Variants in RFX1 observed in about 807,000 individuals in gnomAD.
RFX1 encodes MHC class II regulatory factor RFX1.
A neutral mutation model predicts 119.6 loss-of-function variants in RFX1; 42 were observed. The observed-to-expected ratio is 0.35, with a 90% CI of 0.27 to 0.45. The LOEUF is 0.45. Ranked by LOEUF, RFX1 falls within the 20% of genes least tolerant of loss-of-function variation. RFX1 has a pLI of 1.00. For synonymous variants in RFX1, 628 were observed against 618.5 expected (o/e 1.02, Z -0.23); for missense variants, 1,118 against 1,368.1 (o/e 0.82, Z 2.88).
intron 7 of RFX1, among the ~76,000 whole-genome samples, chr19:13,978,834 C>T (rs1974339203): frequency 6.6e-6 from 1 of 152,140 alleles, no homozygotes; most frequent in Admixed American, 6.5e-5. Context: ...TGGCTCGGGC[C>T]GGGAGCCGGG....
In RFX1 at chr19:13,962,338, A is replaced by G; in HGVS notation, c.*357T>C. On this transcript the variant is annotated 3_prime_UTR_variant, in exon 21 of 21. Transcript: ENST00000254325. ...GAGCTGAATAAGTTAACAGTTTCGC[A>G]CGGGAGGGGGCCTGCCTGCCTGCCC... 3.3e-6 allele frequency: 1 copy of G among 301,492 alleles called. No homozygotes were observed. Among genetic ancestry groups the G allele is most frequent in the South Asian group, 4.6e-5 (1 of 21,652 alleles). 18.7% of individuals were successfully genotyped at this position (301,492 alleles called of 1,614,324 possible). A position where few individuals can be genotyped will look rare whatever the true frequency, so the allele number is the denominator to read the frequency against.
Position 13,966,326 on chromosome 19 carries a change from G to A in RFX1, c.1961+95C>T. On this transcript the variant is annotated intron_variant, in intron 14 of 20. Coordinates refer to ENST00000254325, the MANE Select transcript of RFX1 (RefSeq NM_002918.5). The surrounding 1 kb of genome is among the most constrained non-coding windows in gnomAD (Gnocchi z 6.3). Reference sequence around the variant, plus strand: ...ATATGTGTACCCCACAAACTGCAGGGGACAAGCAGGTGCCCCAACCCTGGC... The same window carrying A: ...ATATGTGTACCCCACAAACTGCAGGAGACAAGCAGGTGCCCCAACCCTGGC... 1 of 743,248 alleles carries A rather than the reference G, an allele frequency of 1.3e-6. No individual in the cohort carries two copies. Among genetic ancestry groups the A allele is most frequent in the Middle Eastern group, 3.4e-4 (1 of 2,946 alleles). The allele number at this position is 743,248 out of a possible 1,614,324, so 46.0% of individuals were successfully genotyped here.
intron 1 of RFX1, among the ~76,000 whole-genome samples, chr19:14,005,155 C>G (rs551662247): frequency 6.6e-6 from 1 of 152,314 alleles, no homozygotes. Context: ...AACAAACCCC[C>G]GCAACCTCAA....
rs540371454 is a variant in RFX1, at chr19:13,961,767, CATCT to C, written c.*924_*927del. On this transcript the variant is annotated 3_prime_UTR_variant, in exon 21 of 21. Transcript: ENST00000254325. ...TTTTTTTCCTTTTTCTTGCCATAAACATCTATCTCACAGGCTGAAAACACTGAGA... is the reference window on the plus strand; with the variant it reads ...TTTTTTTCCTTTTTCTTGCCATAAACATCTCACAGGCTGAAAACACTGAGA... The C allele has an allele frequency of 2.4e-3, 372 of 152,334 alleles. 1 individual carries two copies. Among genetic ancestry groups the C allele is most frequent in the African/African-American group, 8.7e-3 (360 of 41,512 alleles). The allele number at this position is 152,334 out of a possible 1,614,324, so 9.4% of individuals were successfully genotyped here.
chr19:13,968,510 T>A lies in RFX1; in HGVS notation c.1732+55A>T. 7.0e-7 allele frequency: 1 copy of A among 1,433,662 alleles called. No homozygotes were observed. The highest frequency in any genetic ancestry group is 9.8e-7 in the Non-Finnish European group (1 of 1,017,568). The allele number at this position is 1,433,662 out of a possible 1,614,324, so 88.8% of individuals were successfully genotyped here. A position where few individuals can be genotyped will look rare whatever the true frequency, so the allele number is the denominator to read the frequency against. On this transcript the variant is annotated intron_variant, in intron 12 of 20. Coordinates refer to ENST00000254325, the MANE Select transcript of RFX1 (RefSeq NM_002918.5). The surrounding 1 kb of genome is among the most constrained non-coding windows in gnomAD (Gnocchi z 5.5). Reference sequence around the variant, plus strand: ...TGCCGCCATCCAGCTTTGGGAACCGTCTGCACGGGGCAGGGAGGCGGTGGT... The same window carrying A: ...TGCCGCCATCCAGCTTTGGGAACCGACTGCACGGGGCAGGGAGGCGGTGGT...
In RFX1 at chr19:13,963,657, C is replaced by A. The variant is rs1362367226; in HGVS notation, c.2451G>T (p.Ser817=). ...CCAGCCAGGCCGCCCACTGCTCCAG[C>A]GAGTTCTGCTGCTGCAGCGTCACCT... The part of the protein sequence containing the change: ...DFKVTLQQQN[S]LEQWAAWLDG... The change falls in exon 18 of 21, where the codon TCG becomes TCT. Residue 817 remains serine, a synonymous_variant. Transcript: ENST00000254325. 3.1e-6 allele frequency: 5 copies of A among 1,602,838 alleles called. No individual in the cohort carries two copies. In the East Asian group the frequency reaches 6.7e-5, roughly 22 times the overall value.
chr19:14,000,370 C>T (rs1433120346), intron 1 of RFX1, among the ~76,000 whole-genome samples: 3 of 152,130 alleles, frequency 2.0e-5, no homozygotes, highest in Non-Finnish European at 4.4e-5. Context: ...GCTGTAATCC[C>T]AGCTACTCAG....
At chr19:14,003,554 G>A (rs562369997) in intron 1 of RFX1, among the ~76,000 whole-genome samples, 1 of 152,292 alleles carries the variant, frequency 6.6e-6, no homozygotes, top group South Asian at 2.1e-4. Flanking sequence ...AACAGCAGAG[G>A]CTAACATAAC....
intron 2 of RFX1, among the ~76,000 whole-genome samples, chr19:13,988,305 C>T (rs1418684596): frequency 6.6e-6 from 1 of 152,152 alleles, no homozygotes; most frequent in East Asian, 1.9e-4. Context: ...GGGACTTGGT[C>T]TTGACTTTGA....
intron 2 of RFX1, 118 bp from the exon 3 acceptor site, chr19:13,983,713 T>TGA: frequency 1.3e-6 from 1 of 792,984 alleles, no homozygotes; most frequent in Non-Finnish European, 2.0e-6. Context: ...GTCAGGCCCC[T>TGA]CCAAGAGTCC....
intron 20 of RFX1, 36 bp from the exon 21 acceptor site, chr19:13,962,900 G>T (rs773074406): frequency 1.9e-4 from 288 of 1,538,494 alleles, no homozygotes; most frequent in Non-Finnish European, 2.5e-4. Flanking sequence ...TCGGGGCGGG[G>T]TGGCAACGCC....
intron 7 of RFX1, among the ~76,000 whole-genome samples, chr19:13,978,840 C>G (rs1568468393): frequency 6.6e-6 from 1 of 152,128 alleles, no homozygotes; most frequent in Non-Finnish European, 1.5e-5. Flanking sequence ...GGGCCGGGAG[C>G]CGGGACAGTG....
At chr19:13,981,457 G>A (rs1467802109) in intron 5 of RFX1, among the ~76,000 whole-genome samples, 4 of 152,192 alleles carry the variant, frequency 2.6e-5, no homozygotes, top group African/African-American at 4.8e-5. Context: ...TTAGCAGGGC[G>A]TGGTGGCGCA....
At chr19:14,000,580 T>C (rs113146885) in intron 1 of RFX1, among the ~76,000 whole-genome samples, 11 of 152,180 alleles carry the variant, frequency 7.2e-5, no homozygotes, top group Non-Finnish European at 1.2e-4. Flanking sequence ...GAGGATCACT[T>C]GAGCCCAGGA....
chr19:13,970,266 C>A (rs1599480747), intron 9 of RFX1, 91 bp from the exon 10 acceptor site: 1 of 1,169,244 alleles, frequency 8.6e-7, no homozygotes, highest in African/African-American at 1.6e-5. Context: ...CGACTTCCAG[C>A]TGGGATCCTG....
At chr19:14,006,487 A>G (rs1174747134), upstream of RFX1, 1 of 152,274 alleles carries the variant, frequency 6.6e-6, no homozygotes, top group Non-Finnish European at 1.5e-5. Flanking sequence ...TATCAGTATG[A>G]ATGTCCATCA....
Position 13,963,052 on chromosome 19 carries a change from G to A in RFX1, c.2725-13C>T, listed in dbSNP as rs773021409. On this transcript the variant is annotated splice_polypyrimidine_tract_variant and intron_variant, in intron 19 of 20. Coordinates refer to ENST00000254325, the MANE Select transcript of RFX1 (RefSeq NM_002918.5). Reference sequence around the variant, plus strand: ...CCAGATTGGCGAACTGGAGGAAGAAGAGAAGAAAATGGGTGAGGGTCCCGC... The same window carrying A: ...CCAGATTGGCGAACTGGAGGAAGAAAAGAAGAAAATGGGTGAGGGTCCCGC... The A allele has an allele frequency of 1.9e-6, 3 of 1,578,192 alleles. No homozygotes were observed. The highest frequency in any genetic ancestry group is 2.6e-6 in the Non-Finnish European group (3 of 1,161,552).
At chr19:13,964,644 G>A (rs1227482062) in intron 16 of RFX1, among the ~76,000 whole-genome samples, 1 of 152,046 alleles carries the variant, frequency 6.6e-6, no homozygotes, top group Non-Finnish European at 1.5e-5. Flanking sequence ...ACCACGCCGG[G>A]CTAATTTTTG....
At chr19:13,996,930 G>A (rs1222250144) in intron 1 of RFX1, among the ~76,000 whole-genome samples, 2 of 152,074 alleles carry the variant, frequency 1.3e-5, no homozygotes, top group Non-Finnish European at 2.9e-5. Context: ...CACCATGTTG[G>A]TTGGGCAGGT....
Sources: gnomAD v4.1 joint callset for allele counts (sites outside exome capture counted in the v4.1 genomes callset) on GRCh38, gnomAD v4.1.1 for gene constraint, Gnocchi (gnomAD v3.1) non-coding constraint, MANE v1.5 for transcripts, NCBI Gene and HGNC (gene_info 2026-07-23, HGNC 2026-07-21) for gene names.